Variants in SEMA3A observed in about 807,000 individuals in gnomAD.
SEMA3A encodes the protein semaphorin 3A, also known as semaphorin-3A.
Under a neutral mutation model 97.9 loss-of-function variants are expected in SEMA3A, and 29 were observed. That is an observed-to-expected ratio of 0.30 (90% CI 0.22 to 0.40). The LOEUF is 0.40. Among genes scored for constraint, SEMA3A ranks in the 10% least tolerant of loss-of-function variants. The pLI is 1.00. For synonymous variants in SEMA3A, 321 were observed against 323.7 expected (o/e 0.99, Z 0.09); for missense variants, 763 against 951.3 (o/e 0.80, Z 2.60).
chr7:84,215,777 T>A (rs1798738604), intron 3 of SEMA3A, among the ~76,000 whole-genome samples: 1 of 152,188 alleles, frequency 6.6e-6, no homozygotes, highest in Admixed American at 6.5e-5. Context: ...GAATACCTAG[T>A]ATAACTGGGG....
chr7:84,072,027 A>ATAT (rs1238023109), intron 4 of SEMA3A, among the ~76,000 whole-genome samples: 1 of 151,988 alleles, frequency 6.6e-6, no homozygotes, highest in Non-Finnish European at 1.5e-5. Flanking sequence ...CAAAATTCAA[A>ATAT]TATTACCAAG....
chr7:84,299,729 A>G (rs1372194610), intron 3 of SEMA3A, among the ~76,000 whole-genome samples: 1 of 151,838 alleles, frequency 6.6e-6, no homozygotes, highest in Non-Finnish European at 1.5e-5. Flanking sequence ...AATCCAAACT[A>G]TAAATGACAT....
At chr7:84,078,968 T>C (rs1794053894) in intron 4 of SEMA3A, among the ~76,000 whole-genome samples, 3 of 152,126 alleles carry the variant, frequency 2.0e-5, no homozygotes, top group South Asian at 2.1e-4. Flanking sequence ...AGAGGTACTC[T>C]GTATTACCAG....
At chr7:84,424,902 T>G (rs1804743390) in intron 1 of SEMA3A, among the ~76,000 whole-genome samples, 1 of 64,234 alleles carries the variant, frequency 1.6e-5, no homozygotes, top group Non-Finnish European at 2.4e-5. Context: ...ATAATTTATA[T>G]AAACATAAAT....
In SEMA3A at chr7:84,014,292, C is replaced by T. The variant is rs1343011334; in HGVS notation, c.727G>A (p.Val243Ile). ...SESDNPEDDK[V>I]YFFFRENAID... The stretch of plus-strand genomic sequence containing the variant: ...GCATTTTCACGGAAGAAAAAGTATA[C>T]TTTGTCATCTTCAGGATTGTCACTC... Residue 243 changes from valine (V) to isoleucine (I), a missense_variant, in exon 7 of 17, where the codon GTA becomes ATA. This residue lies in a region of SEMA3A where 678 missense variants were observed against 881.3 expected (regional missense o/e 0.77). Transcript: ENST00000265362. 3 of 1,612,920 alleles carry T rather than the reference C, an allele frequency of 1.9e-6. No individual in the cohort carries two copies. Among genetic ancestry groups the T allele is most frequent in the East Asian group, 2.2e-5 (1 of 44,784 alleles).
intron 1 of SEMA3A, chr7:84,371,978 A>G (rs1802988124): frequency 6.6e-6 from 1 of 152,060 alleles, no homozygotes; most frequent in Admixed American, 6.6e-5. Flanking sequence ...AAACTGGTTT[A>G]ATAAACAAAA....
intron 2 of SEMA3A, among the ~76,000 whole-genome samples, chr7:84,368,540 T>C (rs1391514638): frequency 6.6e-6 from 1 of 150,976 alleles, no homozygotes; most frequent in Non-Finnish European, 1.5e-5. Context: ...TACTGTATAA[T>C]GTATTTATAC....
At chr7:84,369,044 G>T (rs1802915285) in intron 2 of SEMA3A, among the ~76,000 whole-genome samples, 1 of 150,656 alleles carries the variant, frequency 6.6e-6, no homozygotes, top group South Asian at 2.1e-4. Context: ...TTAGTATATT[G>T]ATGTTTTCAC....
intron 3 of SEMA3A, among the ~76,000 whole-genome samples, chr7:84,128,207 G>T (rs984509850): frequency 6.6e-6 from 1 of 151,824 alleles, no homozygotes; most frequent in African/African-American, 2.4e-5. Context: ...CTATTGCATG[G>T]TCCTTTTTCA....
intron 6 of SEMA3A, among the ~76,000 whole-genome samples, chr7:84,020,051 T>TTTTTTTTTTTTTTTTTTTTTTTTTTTTTC (rs1791268615): frequency 7.9e-6 from 1 of 126,364 alleles, no homozygotes; most frequent in African/African-American, 3.0e-5. Context: ...TTTTTTTTTT[T>TTTTTTTTTTTTTTTTTTTTTTTTTTTTTC]TTTTTTTTTT....
intron 3 of SEMA3A, among the ~76,000 whole-genome samples, chr7:84,259,519 T>C (rs1799795684): frequency 6.6e-6 from 1 of 151,846 alleles, no homozygotes; most frequent in East Asian, 1.9e-4. Context: ...GGAGAAAGGG[T>C]TACTTGAATA....
At chr7:84,002,156 T>C (rs915080619) in intron 11 of SEMA3A, 110 bp from the exon 12 acceptor site, 1 of 599,122 alleles carries the variant, frequency 1.7e-6, no homozygotes, top group Non-Finnish European at 2.9e-6. Flanking sequence ...ATATCGGTCT[T>C]CCTTTTAATT....
intron 6 of SEMA3A, among the ~76,000 whole-genome samples, chr7:84,022,847 G>C (rs1391210758): frequency 6.6e-6 from 1 of 152,022 alleles, no homozygotes; most frequent in Non-Finnish European, 1.5e-5. Context: ...CAGATACCAC[G>C]GCCATTTTGC....
chr7:84,067,654 C>CA (rs1420914087), intron 4 of SEMA3A, among the ~76,000 whole-genome samples: 1 of 152,024 alleles, frequency 6.6e-6, no homozygotes, highest in Non-Finnish European at 1.5e-5. Context: ...TTTATGCAGC[C>CA]AAAAAACACA....
At chr7:84,254,044 CAGAG>C (rs1289020671) in intron 3 of SEMA3A, among the ~76,000 whole-genome samples, 3 of 152,112 alleles carry the variant, frequency 2.0e-5, no homozygotes, top group Admixed American at 2.0e-4. Flanking sequence ...ATTGAGAAAA[CAGAG>C]AGATCAAGCT....
intron 1 of SEMA3A, among the ~76,000 whole-genome samples, chr7:84,383,160 A>C (rs1803312032): frequency 6.6e-6 from 1 of 152,140 alleles, no homozygotes; most frequent in East Asian, 1.9e-4. Flanking sequence ...TATTAATTTT[A>C]ATAATGAACT....
intron 2 of SEMA3A, among the ~76,000 whole-genome samples, chr7:84,348,973 G>A (rs1309253333): frequency 2.6e-5 from 4 of 152,092 alleles, no homozygotes; most frequent in Admixed American, 2.6e-4. Flanking sequence ...AAGGGAGTGA[G>A]ACTCCATCTC....
At chr7:84,104,045 A>G (rs184772011) in intron 4 of SEMA3A, among the ~76,000 whole-genome samples, 44 of 152,172 alleles carry the variant, frequency 2.9e-4, no homozygotes, top group African/African-American at 1.0e-3. Context: ...CAGTAAATGT[A>G]AAAGCTTTGA....
chr7:84,062,113 T>A (rs1166081649), intron 4 of SEMA3A, among the ~76,000 whole-genome samples: 3 of 152,186 alleles, frequency 2.0e-5, no homozygotes, highest in African/African-American at 4.8e-5. Flanking sequence ...AGCAAAATTT[T>A]AAAAATGCTA....
Sources: gnomAD v4.1 joint callset for allele counts (sites outside exome capture counted in the v4.1 genomes callset) on GRCh38, gnomAD v4.1.1 for gene constraint, gnomAD v4.1.1 regional missense constraint, MANE v1.5 for transcripts, NCBI Gene and HGNC (gene_info 2026-07-23, HGNC 2026-07-21) for gene names.